The following FRS2 variants were observed in gnomAD, a reference collection of about 807,000 sequenced individuals.
The protein encoded by FRS2 is FGFR signalling adaptor.
FRS2 carries 8 observed loss-of-function variants against 43.9 expected under a neutral mutation model. That is an observed-to-expected ratio of 0.18 (90% CI 0.11 to 0.33). The LOEUF (loss-of-function observed/expected upper bound fraction) is 0.33, where lower values mean the gene tolerates loss of function less well. Among genes scored for constraint, FRS2 ranks in the 10% least tolerant of loss-of-function variants. The probability of loss-of-function intolerance (pLI) is 1.00; values close to 1 mark genes in which losing one functional copy is unlikely to be tolerated. For synonymous variants in FRS2, 219 were observed against 220.3 expected (o/e 0.99, Z 0.05); for missense variants, 534 against 627.6 (o/e 0.85, Z 1.59).
At chr12:69,530,267 A>G (rs1229469868) in intron 1 of FRS2, among the ~76,000 whole-genome samples, 1 of 151,030 alleles carries the variant, frequency 6.6e-6, no homozygotes, top group Non-Finnish European at 1.5e-5. Flanking sequence ...GCTACCATAT[A>G]TTTCTTTTTT....
intron 4 of FRS2, among the ~76,000 whole-genome samples, chr12:69,568,486 AG>A (rs1010715149): frequency 9.9e-5 from 15 of 151,802 alleles, no homozygotes; most frequent in African/African-American, 3.6e-4. Context: ...CAGGAGTTTG[AG>A]CCCAGCCTTG....
intron 1 of FRS2, among the ~76,000 whole-genome samples, chr12:69,475,298 T>C (rs1474637708): frequency 2.6e-5 from 4 of 152,242 alleles, no homozygotes; most frequent in Non-Finnish European, 4.4e-5. Flanking sequence ...AGGAATATGT[T>C]TTCCACTATA....
intron 3 of FRS2, among the ~76,000 whole-genome samples, chr12:69,560,278 A>ATCTT (rs1879774014): frequency 6.6e-6 from 1 of 152,148 alleles, no homozygotes; most frequent in South Asian, 2.1e-4. Context: ...TTTTCGAAAT[A>ATCTT]TCTTTATATC....
At position 69,563,432 on chromosome 12, in the gene FRS2, G is replaced by GT. The variant is rs1880028987; in HGVS notation, c.-27+1162dup. Among the ~76,000 whole-genome samples the GT allele has an allele frequency of 2.6e-5, 4 of 152,094 alleles. No individual in the cohort carries two copies. The East Asian group carries it at 7.7e-4, about 29-fold the overall frequency. ...ACCTGTTTTTTTGTTTTGTTTTGGG[G>GT]TTTTGCCCCATTTTGTATTTTGTTA... On this transcript the variant is annotated intron_variant, in intron 4 of 8. Transcript: ENST00000549921.
At chr12:69,496,455 T>G (rs1169747266) in intron 1 of FRS2, among the ~76,000 whole-genome samples, 1 of 151,518 alleles carries the variant, frequency 6.6e-6, no homozygotes, top group East Asian at 1.9e-4. Flanking sequence ...AAAAAAAGCT[T>G]GTAGTCTGAT....
intron 4 of FRS2, 94 bp from the exon 5 acceptor site, chr12:69,568,911 T>C: frequency 1.8e-6 from 1 of 563,008 alleles, no homozygotes; most frequent in Non-Finnish European, 3.1e-6. Flanking sequence ...TGCATCAGAA[T>C]AATGTTTGTG....
intron 3 of FRS2, among the ~76,000 whole-genome samples, chr12:69,544,879 A>C (rs990896698): frequency 1.3e-5 from 2 of 152,150 alleles, no homozygotes; most frequent in Non-Finnish European, 2.9e-5. Context: ...ATTAAATATC[A>C]TACTGGATAT....
chr12:69,574,130 T>C lies in FRS2; in HGVS notation c.702T>C (p.Ser234=), dbSNP rs775204577. ...GCACACCAAAAGAAGAACCAAGTAG[T>C]ATTGAGGACAGGGATCCTCAGATTC... ...ESSTPKEEPS[S]IEDRDPQILL... Residue 234 remains serine, a synonymous_variant, in exon 9 of 9, where the codon AGT becomes AGC. Coordinates refer to ENST00000549921, the MANE Select transcript of FRS2 (RefSeq NM_001278356.2). The C allele has an allele frequency of 1.9e-6, 3 of 1,613,658 alleles. No homozygotes were observed. Among genetic ancestry groups the C allele is most frequent in the Non-Finnish European group, 2.5e-6 (3 of 1,179,612 alleles).
intron 1 of FRS2, among the ~76,000 whole-genome samples, chr12:69,500,111 A>C (rs1303856823): frequency 4.6e-5 from 7 of 152,180 alleles, no homozygotes; most frequent in African/African-American, 1.7e-4. Flanking sequence ...CTGGCTTTGA[A>C]TAGTTGGCAA....
At chr12:69,515,528 C>T (rs750861979) in intron 1 of FRS2, among the ~76,000 whole-genome samples, 2 of 152,024 alleles carry the variant, frequency 1.3e-5, no homozygotes, top group Middle Eastern at 3.4e-3. Context: ...ATAGAGTGAC[C>T]GAGACTGAGG....
At chr12:69,527,502 A>G (rs1028863175) in intron 1 of FRS2, among the ~76,000 whole-genome samples, 19 of 151,858 alleles carry the variant, frequency 1.3e-4, no homozygotes, top group African/African-American at 3.1e-4. Context: ...ATTTTTACAT[A>G]AACAGCCTGG....
chr12:69,477,110 C>T (rs1289435304), intron 1 of FRS2, among the ~76,000 whole-genome samples: 5 of 138,834 alleles, frequency 3.6e-5, no homozygotes, highest in Admixed American at 2.9e-4. Context: ...CTCCCAATGG[C>T]AGAAATGTGG....
At chr12:69,526,931 T>A (rs141368987) in intron 1 of FRS2, among the ~76,000 whole-genome samples, 1 of 151,984 alleles carries the variant, frequency 6.6e-6, no homozygotes, top group Non-Finnish European at 1.5e-5. Context: ...CACCATGTTA[T>A]CCAGGATGGT....
chr12:69,565,600 A>G (rs1378230820), intron 4 of FRS2, among the ~76,000 whole-genome samples: 1 of 151,738 alleles, frequency 6.6e-6, no homozygotes, highest in East Asian at 1.9e-4. Flanking sequence ...ATTTTTTTTT[A>G]ACCTTTAAAA....
chr12:69,570,158 G>A lies in FRS2; in HGVS notation c.67-173G>A, dbSNP rs61759365. The stretch of plus-strand genomic sequence containing the variant: ...TTTCTACATTTTGTTTCCCCAGTGG[G>A]AATGTAAATTTCTTACAGATCTGAA... On this transcript the variant is annotated intron_variant, in intron 5 of 8. Coordinates refer to ENST00000549921, the MANE Select transcript of FRS2 (RefSeq NM_001278356.2). Among the ~76,000 whole-genome samples, 1,522 of 152,302 alleles carry A rather than the reference G, an allele frequency of 1.0e-2. 20 individuals carry two copies. Among genetic ancestry groups the A allele is most frequent in the African/African-American group, 0.035 (1,463 of 41,554 alleles).
chr12:69,470,605 C>T, intron 1 of FRS2, 75 bp downstream of exon 1: 2 of 393,780 alleles, frequency 5.1e-6, no homozygotes, highest in Non-Finnish European at 4.5e-6. Flanking sequence ...CCCCGCTGCC[C>T]GCTTCGGGAT....
chr12:69,512,034 T>C (rs1193358339), intron 1 of FRS2, among the ~76,000 whole-genome samples: 3 of 152,178 alleles, frequency 2.0e-5, no homozygotes, highest in African/African-American at 7.2e-5. Flanking sequence ...TTTGCCAGAC[T>C]CCACAGAGCT....
At chr12:69,472,341 T>G (rs1870388301) in intron 1 of FRS2, among the ~76,000 whole-genome samples, 3 of 150,530 alleles carry the variant, frequency 2.0e-5, no homozygotes, top group Non-Finnish European at 4.4e-5. Flanking sequence ...GATCCTCCCA[T>G]CTCGGCCTTC....
At chr12:69,557,597 T>TGTGTGTGTGC (rs1386244095) in intron 3 of FRS2, among the ~76,000 whole-genome samples, 20 of 41,288 alleles carry the variant, frequency 4.8e-4, no homozygotes, top group African/African-American at 1.3e-3. Context: ...AGGTTGATTG[T>TGTGTGTGTGC]GTGTGTGTGT....
Sources: gnomAD v4.1 joint callset for allele counts (sites outside exome capture counted in the v4.1 genomes callset) on GRCh38, gnomAD v4.1.1 for gene constraint, MANE v1.5 for transcripts, NCBI Gene and HGNC (gene_info 2026-07-23, HGNC 2026-07-21) for gene names.